Variants in LHX8 observed in about 807,000 individuals in gnomAD.
The protein encoded by LHX8 is LIM/homeobox protein Lhx8.
A neutral mutation model predicts 40.3 loss-of-function variants in LHX8; 12 were observed. The ratio of observed to expected loss-of-function variants is 0.30; its 90% CI spans 0.19 to 0.48. The LOEUF is 0.48. Ranked by LOEUF, LHX8 falls within the 20% of genes least tolerant of loss-of-function variation. The pLI, the probability that LHX8 is intolerant of heterozygous loss-of-function variation, is 0.99. For synonymous variants in LHX8, 179 were observed against 162.0 expected (o/e 1.10, Z -0.80); for missense variants, 344 against 433.7 (o/e 0.79, Z 1.84).
the LHX8 span, among the ~76,000 whole-genome samples, chr1:75,195,184 A>G: frequency 6.6e-6 from 1 of 152,142 alleles, no homozygotes; most frequent in African/African-American, 2.4e-5. Flanking sequence ...TAGATGTCTT[A>G]CCATGTTAAA....
the LHX8 span, among the ~76,000 whole-genome samples, chr1:75,181,018 C>A: frequency 7.5e-6 from 1 of 132,654 alleles, no homozygotes; most frequent in Admixed American, 7.2e-5. Flanking sequence ...GTATCACCAG[C>A]GTAGGTGCAA....
the LHX8 span, among the ~76,000 whole-genome samples, chr1:75,198,670 G>T: frequency 6.6e-6 from 1 of 152,162 alleles, no homozygotes; most frequent in Non-Finnish European, 1.5e-5. Flanking sequence ...CCCTAGCATG[G>T]TTCAGAACTC....
intron 6 of LHX8, among the ~76,000 whole-genome samples, chr1:75,147,654 G>A (rs1176762862): frequency 1.3e-5 from 2 of 152,126 alleles, no homozygotes; most frequent in Admixed American, 6.6e-5. Context: ...CACATTGGGT[G>A]CCAAGCTCTT....
intron 7 of LHX8, among the ~76,000 whole-genome samples, chr1:75,152,053 G>A (rs1256806348): frequency 6.6e-6 from 1 of 152,152 alleles, no homozygotes; most frequent in African/African-American, 2.4e-5. Flanking sequence ...TCTATACATA[G>A]GCTCACTATA....
chr1:75,150,876 C>T (rs1374480332), intron 7 of LHX8, among the ~76,000 whole-genome samples: 1 of 151,812 alleles, frequency 6.6e-6, no homozygotes, highest in Non-Finnish European at 1.5e-5. Flanking sequence ...GGGGTTTCAC[C>T]ATGTTGGTCA....
chr1:75,153,008 G>A lies in LHX8; in HGVS notation c.781-3885G>A, dbSNP rs1199423813. Among the ~76,000 whole-genome samples, 6 of 151,724 alleles carry A rather than the reference G, an allele frequency of 4.0e-5. No homozygotes were observed. The East Asian group carries it at 5.8e-4, about 15-fold the overall frequency. ...CCTATCTGTCATGTTAACCTTTCAC[G>A]GTTCATCAATTTCCTTTTTATTTTT... On this transcript the variant is annotated intron_variant, in intron 7 of 8. Transcript: ENST00000356261.
At chr1:75,130,633 G>A, upstream of LHX8, 1 of 1,251,688 alleles carries the variant, frequency 8.0e-7, no homozygotes. Flanking sequence ...CAGAAACTGT[G>A]GGTAGCAAGG....
chr1:75,185,605 G>A, the LHX8 span, among the ~76,000 whole-genome samples: 1 of 152,150 alleles, frequency 6.6e-6, no homozygotes, highest in Non-Finnish European at 1.5e-5. Context: ...ATGGGTAAAA[G>A]CTGGAAGTAT....
upstream of LHX8, among the ~76,000 whole-genome samples, chr1:75,133,264 T>C (rs1487191715): frequency 1.3e-5 from 2 of 152,174 alleles, no homozygotes; most frequent in African/African-American, 4.8e-5. Flanking sequence ...GAGGAAAAAC[T>C]AAATTTGTAG....
At position 75,161,134 on chromosome 1, in the gene LHX8, C is replaced by G; in HGVS notation, c.*239C>G. ...CAAATCAAAACATTTTTTGTATTGT[C>G]TGGAAATAGTTCACTCTAGTGTGTA... On this transcript the variant is annotated 3_prime_UTR_variant, in exon 9 of 9. Transcript: ENST00000356261. 1 of 502,112 alleles carries G rather than the reference C, an allele frequency of 2.0e-6. No individual in the cohort carries two copies. The highest frequency in any genetic ancestry group is 2.2e-5 in the South Asian group (1 of 45,528). The allele number at this position is 502,112 out of a possible 1,614,324, so 31.1% of individuals were successfully genotyped here.
downstream of LHX8, among the ~76,000 whole-genome samples, chr1:75,163,246 G>A (rs2100370243): frequency 6.6e-6 from 1 of 152,202 alleles, no homozygotes; most frequent in East Asian, 1.9e-4. Flanking sequence ...TAGAATCACA[G>A]CTCATGCTTT....
At chr1:75,148,281 C>T (rs1256493977) in intron 6 of LHX8, among the ~76,000 whole-genome samples, 2 of 152,092 alleles carry the variant, frequency 1.3e-5, no homozygotes, top group Non-Finnish European at 2.9e-5. Flanking sequence ...ATAAATGAAA[C>T]TCTTGCTATT....
chr1:75,192,706 T>A, the LHX8 span, among the ~76,000 whole-genome samples: 2 of 152,146 alleles, frequency 1.3e-5, no homozygotes, highest in Non-Finnish European at 1.5e-5. Context: ...TGTTTGTTTG[T>A]TTTTGAGACA....
At chr1:75,157,737 G>T (rs1244144490) in intron 8 of LHX8, among the ~76,000 whole-genome samples, 1 of 152,122 alleles carries the variant, frequency 6.6e-6, no homozygotes, top group Non-Finnish European at 1.5e-5. Context: ...CTATATTATT[G>T]TGAGAATCTG....
intron 4 of LHX8, 56 bp downstream of exon 4, chr1:75,141,162 A>T: frequency 6.3e-7 from 1 of 1,577,758 alleles, no homozygotes; most frequent in Non-Finnish European, 8.7e-7. Flanking sequence ...ATGCAAAGAG[A>T]CTTTTGTAAT....
chr1:75,153,104 T>G (rs1648653581), intron 7 of LHX8, among the ~76,000 whole-genome samples: 2 of 152,008 alleles, frequency 1.3e-5, no homozygotes, highest in African/African-American at 4.8e-5. Context: ...CCTTTTTTTT[T>G]GTTTTGTTTT....
chr1:75,197,805 A>G, the LHX8 span, among the ~76,000 whole-genome samples: 10 of 152,130 alleles, frequency 6.6e-5, no homozygotes, highest in African/African-American at 2.4e-4. Flanking sequence ...AAGCAGAATG[A>G]AAAAAGTCTT....
chr1:75,189,452 G>A, the LHX8 span, among the ~76,000 whole-genome samples: 1 of 152,136 alleles, frequency 6.6e-6, no homozygotes, highest in East Asian at 1.9e-4. Flanking sequence ...GGAACTAGCA[G>A]CCCATTCTAT....
At chr1:75,197,733 C>T in the LHX8 span, among the ~76,000 whole-genome samples, 2 of 152,128 alleles carry the variant, frequency 1.3e-5, no homozygotes, top group Non-Finnish European at 2.9e-5. Context: ...TGGAAATAGT[C>T]CTCTAGACAG....
Sources: allele counts gnomAD v4.1 joint callset (sites outside exome capture counted in the v4.1 genomes callset), GRCh38; gene constraint gnomAD v4.1.1; transcripts MANE v1.5; gene names NCBI Gene and HGNC (gene_info 2026-07-23, HGNC 2026-07-21).